MZT2A: variants seen among roughly 807,000 people sequenced by gnomAD.
MZT2A encodes the protein mitotic-spindle organizing protein 2A.
Under a neutral mutation model 12.4 loss-of-function variants are expected in MZT2A, and 8 were observed. That is an observed-to-expected ratio of 0.64 (90% confidence interval 0.38 to 1.16). The LOEUF (loss-of-function observed/expected upper bound fraction) is 1.16. MZT2A is among the 50% of genes most tolerant of loss of function. The pLI is 0.01. For missense variants in MZT2A, 181 were observed against 223.6 expected, an observed-to-expected ratio of 0.81 and a Z score of 1.22; for synonymous variants, 88 against 107.5, an observed-to-expected ratio of 0.82 and a Z score of 1.12.
Position 131,491,883 on chromosome 2 carries a change from C to G in MZT2A, c.312G>C (p.Glu104Asp). 2.0e-6 allele frequency: 3 copies of G among 1,496,524 alleles called. No individual in the cohort carries two copies. The highest frequency in any genetic ancestry group is 2.7e-6 in the Non-Finnish European group (3 of 1,119,226). 92.7% of individuals were successfully genotyped at this position (1,496,524 alleles called of 1,614,324 possible). ...AGCGGGCCCAGCTCTGACCTCGGGTCTCGGGCACGCTCGACGTGGGCAGAG... is the reference window on the plus strand; with the variant it reads ...AGCGGGCCCAGCTCTGACCTCGGGTGTCGGGCACGCTCGACGTGGGCAGAG... ...AVSLPTSSVPETRGRDKGSAA... is the reference protein window; with the variant it reads ...AVSLPTSSVPDTRGRDKGSAA... The change falls in exon 2 of 3, where the codon GAG becomes GAC. Residue 104 changes from glutamate to aspartate, a missense_variant. Physicochemically the swap from Glu to Asp is conservative, Grantham distance 45 (BLOSUM62 2). Transcript: ENST00000309451.
At chr2:131,479,168 C>T (rs1678766280), downstream of MZT2A, 1 of 1,362,614 alleles carries the variant, frequency 7.3e-7, no homozygotes, top group Admixed American at 2.4e-5. Context: ...TTCTACCAGA[C>T]ACTGCCACTG....
chr2:131,472,088 C>A, exon 3 of MZT2A: 1 of 1,290,642 alleles, frequency 7.7e-7, no homozygotes, highest in Middle Eastern at 2.1e-4. Context: ...TCCTCCTTCT[C>A]CTGCCACACC....
intron 2 of MZT2A, chr2:131,489,934 C>G (rs1669629815): frequency 1.0e-5 from 10 of 976,578 alleles, no homozygotes; most frequent in Non-Finnish European, 1.1e-5. Flanking sequence ...GCTAAGTGAG[C>G]AGCAACATCT....
chr2:131,476,328 G>A, intron 2 of MZT2A: 1 of 1,530,174 alleles, frequency 6.5e-7, no homozygotes, highest in Admixed American at 1.8e-5. Context: ...AGGGTCTAGT[G>A]CGGGACAGGA....
At chr2:131,490,379 C>T (rs1415507682) in intron 2 of MZT2A, 41 of 1,128,544 alleles carry the variant, frequency 3.6e-5, no homozygotes, top group Non-Finnish European at 4.3e-5. Flanking sequence ...TTTGTCACGC[C>T]TGGGGCTGTG....
chr2:131,491,664 G>C (rs1679314089), intron 2 of MZT2A: 1 of 813,994 alleles, frequency 1.2e-6, no homozygotes, highest in African/African-American at 1.8e-5. Context: ...CCTGGGGCAC[G>C]CACTCTGCGT....
intron 2 of MZT2A, chr2:131,491,151 G>A (rs1679280841): frequency 1.7e-6 from 1 of 573,842 alleles, no homozygotes; most frequent in South Asian, 1.9e-5. Context: ...GAGCCATCGG[G>A]AGCAGAAGCA....
chr2:131,489,918 G>A, intron 2 of MZT2A: 1 of 976,394 alleles, frequency 1.0e-6, no homozygotes, highest in Non-Finnish European at 1.2e-6. Context: ...AGAGCCCTGA[G>A]TGAGTGCTAA....
At position 131,492,244 on chromosome 2, in the gene MZT2A, G is replaced by A. The variant is rs750725986; in HGVS notation, c.133C>T (p.Gln45Ter). The A allele has an allele frequency of 5.0e-6, 8 of 1,586,208 alleles. No individual in the cohort carries two copies. The highest frequency in any genetic ancestry group is 3.4e-5 in the Admixed American group (2 of 58,204). ...TEEMELYELA[Q>*]AAGGGIDPDV... ...GGGTCGATACCGCCGCCCGCCGCCTGAGCCAGCTCGTACAGCTCCATCTCC... is the reference window on the plus strand; with the variant it reads ...GGGTCGATACCGCCGCCCGCCGCCTAAGCCAGCTCGTACAGCTCCATCTCC... Residue 45 changes from glutamine (Q) to a stop codon, truncating the protein, a stop_gained, in exon 1 of 3, where the codon CAG becomes TAG. Transcript: ENST00000309451. LOFTEE classifies it high-confidence loss of function.
chr2:131,492,928 A>T (rs1573881590), upstream of MZT2A: 2 of 1,518,234 alleles, frequency 1.3e-6, no homozygotes, highest in East Asian at 2.6e-5. Flanking sequence ...CTCCCCCCGC[A>T]CTCCTGCCTC....
intron 2 of MZT2A, chr2:131,490,376 C>T (rs1483962837): frequency 8.1e-6 from 9 of 1,117,126 alleles, no homozygotes; most frequent in African/African-American, 6.5e-5. Flanking sequence ...GCGTTTGTCA[C>T]GCCTGGGGCT....
intron 2 of MZT2A, chr2:131,489,755 C>T: frequency 1.8e-6 from 1 of 566,404 alleles, no homozygotes; most frequent in Non-Finnish European, 2.2e-6. Context: ...TCAAGGAATC[C>T]ACCTGCCTTG....
intron 2 of MZT2A, among the ~76,000 whole-genome samples, chr2:131,485,004 T>C (rs1242916482): frequency 6.6e-6 from 1 of 152,238 alleles, no homozygotes; most frequent in Admixed American, 6.5e-5. Flanking sequence ...TGCATTTCCC[T>C]GGGCTCAGGG....
chr2:131,479,772 G>A (rs528868109), downstream of MZT2A, among the ~76,000 whole-genome samples: 156 of 152,246 alleles, frequency 1.0e-3, 1 homozygote, highest in African/African-American at 3.6e-3. Flanking sequence ...CCCGGAAGGC[G>A]GAGGTTGCAA....
chr2:131,483,394 C>A (rs1344479456), downstream of MZT2A, among the ~76,000 whole-genome samples: 4 of 152,102 alleles, frequency 2.6e-5, no homozygotes, highest in African/African-American at 9.7e-5. Context: ...CCATGCTGAC[C>A]CCAGTGCTCC....
chr2:131,478,184 C>T (rs769550209), intron 2 of MZT2A: 16 of 1,613,530 alleles, frequency 9.9e-6, no homozygotes, highest in African/African-American at 6.7e-5. Flanking sequence ...TCTCTATCCA[C>T]GTGGGGCAGG....
chr2:131,476,734 G>C (rs548648226), intron 2 of MZT2A, among the ~76,000 whole-genome samples: 172 of 152,104 alleles, frequency 1.1e-3, no homozygotes, highest in South Asian at 4.8e-3. Context: ...TGGAGTTCAA[G>C]ATCAGCCCGA....
chr2:131,491,058 G>A (rs1679276034), intron 2 of MZT2A: 1 of 1,111,046 alleles, frequency 9.0e-7, no homozygotes, highest in South Asian at 1.4e-5. Context: ...TGATGCCTGT[G>A]AGGGTCTCCT....
At chr2:131,489,963 C>G (rs1679221072) in intron 2 of MZT2A, 1 of 978,138 alleles carries the variant, frequency 1.0e-6, no homozygotes, top group African/African-American at 1.8e-5. Flanking sequence ...GACAAGAACT[C>G]TGTTCCCAGT....
Sources: allele counts gnomAD v4.1 joint callset (sites outside exome capture counted in the v4.1 genomes callset), GRCh38; gene constraint gnomAD v4.1.1; transcripts MANE v1.5; gene names NCBI Gene and HGNC (gene_info 2026-07-23, HGNC 2026-07-21).